HCN1: variants seen among roughly 807,000 people sequenced by gnomAD.
HCN1 encodes the protein hyperpolarization activated cyclic nucleotide gated potassium channel 1.
In HCN1, 13 loss-of-function variants were observed where a neutral mutation model predicts 78.9. The observed-to-expected ratio is 0.16, with a 90% CI of 0.11 to 0.26. The LOEUF is 0.26. HCN1 is among the 10% of genes least tolerant of loss of function. HCN1 has a pLI of 1.00. For synonymous variants in HCN1, 552 were observed against 455.5 expected, an observed-to-expected ratio of 1.21 and a Z score of -2.70; for missense variants, 810 against 1,154.3, an observed-to-expected ratio of 0.70 and a Z score of 4.32.
At chr5:45,528,034 T>G (rs571144881) in intron 2 of HCN1, among the ~76,000 whole-genome samples, 2 of 152,064 alleles carry the variant, frequency 1.3e-5, no homozygotes, top group South Asian at 4.2e-4. Context: ...TCCATTTATT[T>G]ATTTACCAAT....
At chr5:45,475,358 G>A (rs1741491260) in intron 2 of HCN1, among the ~76,000 whole-genome samples, 1 of 151,976 alleles carries the variant, frequency 6.6e-6, no homozygotes, top group African/African-American at 2.4e-5. Context: ...TTGAGCTTTT[G>A]AGACTATTTT....
chr5:45,610,721 A>T (rs143457467), intron 2 of HCN1, among the ~76,000 whole-genome samples: 1 of 151,528 alleles, frequency 6.6e-6, no homozygotes, highest in Non-Finnish European at 1.5e-5. Flanking sequence ...TGGAGAACGA[A>T]GAAAATACTA....
chr5:45,390,695 C>T (rs546861459), intron 4 of HCN1, among the ~76,000 whole-genome samples: 1 of 152,050 alleles, frequency 6.6e-6, no homozygotes, highest in Non-Finnish European at 1.5e-5. Flanking sequence ...TATCAAAATA[C>T]AAAGTTTGAA....
At chr5:45,459,216 C>T (rs951976657) in intron 3 of HCN1, among the ~76,000 whole-genome samples, 1 of 151,164 alleles carries the variant, frequency 6.6e-6, no homozygotes, top group South Asian at 2.1e-4. Flanking sequence ...CCAGCCTTGG[C>T]GACATAGCAA....
intron 6 of HCN1, among the ~76,000 whole-genome samples, chr5:45,288,794 C>A (rs1258493206): frequency 6.6e-6 from 1 of 151,882 alleles, no homozygotes; most frequent in African/African-American, 2.4e-5. Flanking sequence ...GCAATTTGGA[C>A]CTTTGGACTT....
At chr5:45,596,555 A>C (rs189294543) in intron 2 of HCN1, among the ~76,000 whole-genome samples, 32 of 152,320 alleles carry the variant, frequency 2.1e-4, no homozygotes, top group African/African-American at 7.2e-4. Flanking sequence ...AGGGGCAAGC[A>C]GCAAAACTCC....
chr5:45,568,728 G>A (rs1302706516), intron 2 of HCN1, among the ~76,000 whole-genome samples: 3 of 151,992 alleles, frequency 2.0e-5, no homozygotes, highest in African/African-American at 7.2e-5. Context: ...CATGACAATG[G>A]AAGAATTGTT....
chr5:45,330,046 T>C lies in HCN1; in HGVS notation c.1377+23054A>G, dbSNP rs1018078639. On this transcript the variant is annotated intron_variant, in intron 5 of 7. Coordinates refer to ENST00000303230, the MANE Select transcript of HCN1 (RefSeq NM_021072.4). ...TTAGGTTTACGAAAAAAATGCACAA[T>C]AATATAGAGTGTGTCCATGTGCCCC... Among the ~76,000 whole-genome samples the C allele has an allele frequency of 2.0e-5, 3 of 151,390 alleles. No individual in the cohort carries two copies. The East Asian group carries it at 5.8e-4, about 29-fold the overall frequency.
intron 2 of HCN1, chr5:45,575,767 A>G (rs1743928953): frequency 6.6e-6 from 1 of 152,126 alleles, no homozygotes; most frequent in Admixed American, 6.6e-5. Context: ...AGTCACTCAC[A>G]TAAGAGCTCT....
chr5:45,562,980 A>G (rs947692654), intron 2 of HCN1, among the ~76,000 whole-genome samples: 1 of 152,244 alleles, frequency 6.6e-6, no homozygotes, highest in Non-Finnish European at 1.5e-5. Context: ...CCTGAATTGG[A>G]GAATTCTGTA....
chr5:45,391,697 C>T (rs530172687), intron 4 of HCN1, among the ~76,000 whole-genome samples: 1 of 152,094 alleles, frequency 6.6e-6, no homozygotes, highest in Non-Finnish European at 1.5e-5. Context: ...ATGAGAGGCA[C>T]TTTGATAATA....
chr5:45,687,625 C>A (rs763583355), intron 1 of HCN1, among the ~76,000 whole-genome samples: 1 of 152,006 alleles, frequency 6.6e-6, no homozygotes, highest in Non-Finnish European at 1.5e-5. Flanking sequence ...ACTGTCATTT[C>A]TCCTTATGCC....
Position 45,459,096 on chromosome 5 carries a change from A to C in HCN1, c.1011+2750T>G, listed in dbSNP as rs570389989. ...TCTTTTTTATGGTTATTTCCTTCAC[A>C]TCACTATTATCCACAATATAAATTA... On this transcript the variant is annotated intron_variant, in intron 3 of 7. Transcript: ENST00000303230. Among the ~76,000 whole-genome samples, 3 of 151,896 alleles carry C rather than the reference A, an allele frequency of 2.0e-5. No individual in the cohort carries two copies. In the South Asian group the frequency reaches 6.2e-4, roughly 31 times the overall value.
intron 2 of HCN1, among the ~76,000 whole-genome samples, chr5:45,489,610 G>A (rs889481107): frequency 6.6e-6 from 1 of 152,014 alleles, no homozygotes; most frequent in Non-Finnish European, 1.5e-5. Context: ...TTAGCTTCTC[G>A]TTAGCCAGAT....
intron 3 of HCN1, among the ~76,000 whole-genome samples, chr5:45,442,950 C>A (rs930243726): frequency 6.6e-6 from 1 of 151,856 alleles, no homozygotes; most frequent in Non-Finnish European, 1.5e-5. Context: ...ACTTGATAGC[C>A]CCAATTTGTC....
chr5:45,431,706 C>CTTTTT (rs1162531174), intron 3 of HCN1, among the ~76,000 whole-genome samples: 1 of 152,074 alleles, frequency 6.6e-6, no homozygotes, highest in East Asian at 1.9e-4. Flanking sequence ...TTCTCCGTTG[C>CTTTTT]TTGTTTTTGT....
chr5:45,415,995 G>C (rs1185009360), intron 3 of HCN1, among the ~76,000 whole-genome samples: 1 of 151,894 alleles, frequency 6.6e-6, no homozygotes, highest in African/African-American at 2.4e-5. Flanking sequence ...AAAGAAACCA[G>C]TATCTCTCCT....
intron 4 of HCN1, among the ~76,000 whole-genome samples, chr5:45,362,202 G>A (rs918450058): frequency 1.3e-5 from 2 of 151,020 alleles, no homozygotes; most frequent in Non-Finnish European, 3.0e-5. Flanking sequence ...CTATGTGTAG[G>A]GAAATGATCT....
chr5:45,267,523 A>G (rs1303030469), intron 6 of HCN1, among the ~76,000 whole-genome samples: 1 of 151,600 alleles, frequency 6.6e-6, no homozygotes, highest in Non-Finnish European at 1.5e-5. Flanking sequence ...TAATCCCAGC[A>G]CTTTGGGAGG....
Sources: gnomAD v4.1 joint callset for allele counts (sites outside exome capture counted in the v4.1 genomes callset) on GRCh38, gnomAD v4.1.1 for gene constraint, MANE v1.5 for transcripts, NCBI Gene and HGNC (gene_info 2026-07-23, HGNC 2026-07-21) for gene names.